ARID1B: variants seen among roughly 807,000 people sequenced by gnomAD.
ARID1B encodes the protein AT-rich interactive domain-containing protein 1B.
In ARID1B, 30 loss-of-function variants were observed where a neutral mutation model predicts 212.3. The observed-to-expected ratio is 0.14, with a 90% CI of 0.11 to 0.19. The LOEUF is 0.19. Among genes scored for constraint, ARID1B ranks in the 10% least tolerant of loss-of-function variants. The pLI, the probability that ARID1B is intolerant of heterozygous loss-of-function variation, is 1.00. For missense variants in ARID1B, 2,891 were observed against 3,204.0 expected (o/e 0.90, Z 2.36); for synonymous variants, 1,402 against 1,301.7 (o/e 1.08, Z -1.66).
intron 5 of ARID1B, among the ~76,000 whole-genome samples, chr6:157,090,220 G>A (rs1015374872): frequency 2.0e-5 from 3 of 152,188 alleles, no homozygotes; most frequent in Admixed American, 2.0e-4. Context: ...CAGCGGCAGT[G>A]TTTAAATATT....
chr6:156,805,526 C>G lies in ARID1B; in HGVS notation c.1792-23701C>G, dbSNP rs192018553. On this transcript the variant is annotated intron_variant, in intron 1 of 19. Transcript: ENST00000636930. The stretch of plus-strand genomic sequence containing the variant: ...AGGTTTACACTTCACCAAGGAAGGG[C>G]AGCTATTGGTTTGCCTATAGGAGTA... Among the ~76,000 whole-genome samples the G allele has an allele frequency of 7.2e-5, 11 of 152,272 alleles. No homozygotes were observed. The East Asian group carries it at 2.1e-3, about 29-fold the overall frequency.
chr6:156,989,304 A>G (rs565010134), intron 4 of ARID1B, among the ~76,000 whole-genome samples: 141 of 152,320 alleles, frequency 9.3e-4, no homozygotes, highest in African/African-American at 3.3e-3. Context: ...CATTTTTGCT[A>G]CAAAGGATCG....
At chr6:156,909,122 T>C (rs1233393426) in intron 3 of ARID1B, among the ~76,000 whole-genome samples, 1 of 128,050 alleles carries the variant, frequency 7.8e-6, no homozygotes, top group Admixed American at 7.7e-5. Context: ...TTTTTCTTTC[T>C]CTTTTTTTTT....
At chr6:156,781,157 G>A (rs540933481) in intron 1 of ARID1B, among the ~76,000 whole-genome samples, 1 of 152,214 alleles carries the variant, frequency 6.6e-6, no homozygotes, top group Non-Finnish European at 1.5e-5. Context: ...AAAACGAAAT[G>A]AGGAAACCAC....
At chr6:157,101,874 A>C (rs73791264) in intron 5 of ARID1B, among the ~76,000 whole-genome samples, 2,653 of 152,312 alleles carry the variant, frequency 0.017, 86 homozygotes, top group African/African-American at 0.059. Context: ...TATCTTGACT[A>C]ATCATGTCAA....
chr6:156,994,577 A>G (rs7759953), intron 4 of ARID1B, among the ~76,000 whole-genome samples: 5,381 of 146,740 alleles, frequency 0.037, 309 homozygotes, highest in African/African-American at 0.13. Context: ...GAGGCAGCTT[A>G]AAAAAAAAAA....
intron 4 of ARID1B, among the ~76,000 whole-genome samples, chr6:157,077,588 C>G (rs1784386862): frequency 6.6e-6 from 1 of 152,192 alleles, no homozygotes; most frequent in Admixed American, 6.5e-5. Flanking sequence ...CCCCTTCCCA[C>G]CAGCTGTCCT....
chr6:156,926,709 GTCTC>G (rs1182337406), intron 3 of ARID1B, among the ~76,000 whole-genome samples: 1 of 152,146 alleles, frequency 6.6e-6, no homozygotes, highest in African/African-American at 2.4e-5. Flanking sequence ...TTGAGAAGGA[GTCTC>G]TCTCTGTTGC....
At chr6:157,089,987 T>C (rs1209810819) in intron 5 of ARID1B, among the ~76,000 whole-genome samples, 3 of 152,216 alleles carry the variant, frequency 2.0e-5, no homozygotes, top group Non-Finnish European at 4.4e-5. Flanking sequence ...GGTCTTACGC[T>C]GGGCCTGATT....
At chr6:156,888,859 G>T (rs959083975) in intron 2 of ARID1B, among the ~76,000 whole-genome samples, 1 of 152,174 alleles carries the variant, frequency 6.6e-6, no homozygotes, top group Non-Finnish European at 1.5e-5. Flanking sequence ...CATTTCCATA[G>T]TTATGAGTCT....
chr6:156,826,675 C>G (rs1189338979), intron 1 of ARID1B, among the ~76,000 whole-genome samples: 2 of 152,130 alleles, frequency 1.3e-5, no homozygotes, highest in Non-Finnish European at 2.9e-5. Flanking sequence ...CTCCGTCCCT[C>G]CTCTTCCAGC....
At chr6:157,051,726 G>A (rs866334313) in intron 4 of ARID1B, among the ~76,000 whole-genome samples, 62 of 152,302 alleles carry the variant, frequency 4.1e-4, no homozygotes, top group African/African-American at 1.4e-3. Context: ...TAATTAGAGA[G>A]TGTACAGATG....
chr6:156,930,203 G>A (rs1324692832), intron 3 of ARID1B, among the ~76,000 whole-genome samples: 1 of 152,188 alleles, frequency 6.6e-6, no homozygotes, highest in Non-Finnish European at 1.5e-5. Context: ...ATTGGATCAT[G>A]GGGGCGGTTT....
intron 8 of ARID1B, chr6:157,149,884 T>G (rs142329316): frequency 1.3e-3 from 202 of 152,328 alleles, no homozygotes; most frequent in African/African-American, 4.6e-3. Flanking sequence ...AGCTGCTATC[T>G]GGGGAATGTG....
chr6:156,943,971 A>G (rs775998110), intron 4 of ARID1B: 4 of 152,190 alleles, frequency 2.6e-5, no homozygotes, highest in African/African-American at 4.8e-5. Context: ...GACCTATTCT[A>G]ATCGCCACAC....
intron 4 of ARID1B, among the ~76,000 whole-genome samples, chr6:157,033,267 A>G (rs1234839988): frequency 6.6e-6 from 1 of 152,204 alleles, no homozygotes; most frequent in Non-Finnish European, 1.5e-5. Context: ...TCTTTAGTAC[A>G]ATATGACTTT....
intron 2 of ARID1B, among the ~76,000 whole-genome samples, chr6:156,882,069 C>T (rs1205729975): frequency 1.3e-5 from 2 of 152,100 alleles, no homozygotes; most frequent in Non-Finnish European, 2.9e-5. Flanking sequence ...AAAATTCTGC[C>T]CCATCACTGC....
rs1177807875 is a variant in ARID1B at position 157,004,897 on chromosome 6, C to CTTTTTTTT, written c.2247+69348_2247+69355dup. ...TTTTTTCTTTTTCTTCTTCTTTTTT[C>CTTTTTTTT]TTTTTTTTTTTTTTTTTTTTTTTTT... is the stretch of plus-strand genomic sequence containing the variant. On this transcript the variant is annotated intron_variant, in intron 4 of 19. Coordinates refer to ENST00000636930, the MANE Select transcript of ARID1B (RefSeq NM_001374828.1). 2.5e-3 allele frequency among the ~76,000 whole-genome samples: 137 copies of CTTTTTTTT among 54,618 alleles called. 4 individuals are homozygous for CTTTTTTTT. The highest frequency in any genetic ancestry group is 4.0e-3 in the Non-Finnish European group (109 of 27,226). The allele number at this position is 54,618 out of a possible 152,430, so 35.8% of individuals were successfully genotyped here. A position where few individuals can be genotyped will look rare whatever the true frequency, so the allele number is the denominator to read the frequency against.
chr6:156,971,542 AAAC>A (rs1776925323), intron 4 of ARID1B, among the ~76,000 whole-genome samples: 1 of 152,160 alleles, frequency 6.6e-6, no homozygotes, highest in African/African-American at 2.4e-5. Flanking sequence ...TGGAGGCTTA[AAAC>A]AACATCTGTG....
Sources: gnomAD v4.1 joint callset for allele counts (sites outside exome capture counted in the v4.1 genomes callset) on GRCh38, gnomAD v4.1.1 for gene constraint, MANE v1.5 for transcripts, NCBI Gene and HGNC (gene_info 2026-07-23, HGNC 2026-07-21) for gene names.